The following TAFA2 variants were observed in gnomAD, a reference collection of about 807,000 sequenced individuals.
The protein encoded by TAFA2 is chemokine-like protein TAFA-2.
TAFA2 carries 7 observed loss-of-function variants against 18.8 expected under a neutral mutation model. The observed-to-expected ratio is 0.37, with a 90% confidence interval of 0.21 to 0.70. The LOEUF is 0.70. Among genes scored for constraint, TAFA2 ranks in the 30% least tolerant of loss-of-function variants. TAFA2 has a pLI of 0.53. For synonymous variants in TAFA2, 60 were observed against 54.2 expected, an observed-to-expected ratio of 1.11 and a Z score of -0.47; for missense variants, 122 against 158.1, an observed-to-expected ratio of 0.77 and a Z score of 1.23.
chr12:62,012,453 G>A (rs186867743), intron 1 of TAFA2, among the ~76,000 whole-genome samples: 71 of 149,232 alleles, frequency 4.8e-4, no homozygotes, highest in East Asian at 3.7e-3. Context: ...TTTAACCTCC[G>A]CAGATGCTTT....
intron 1 of TAFA2, among the ~76,000 whole-genome samples, chr12:62,106,365 AAAAAAC>A (rs1019354649): frequency 1.3e-5 from 2 of 151,716 alleles, no homozygotes; most frequent in Non-Finnish European, 1.5e-5. Flanking sequence ...AACAAAAACA[AAAAAAC>A]AAAAACAAAA....
intron 1 of TAFA2, among the ~76,000 whole-genome samples, chr12:61,921,146 AAG>A (rs1456643260): frequency 1.3e-5 from 2 of 152,368 alleles, no homozygotes; most frequent in East Asian, 3.9e-4. Flanking sequence ...CTGAATGGCA[AAG>A]AGAACCACAG....
chr12:61,904,447 T>C (rs1040224365), intron 1 of TAFA2, among the ~76,000 whole-genome samples: 2 of 152,148 alleles, frequency 1.3e-5, no homozygotes, highest in African/African-American at 4.8e-5. Flanking sequence ...GTTTCCTTCA[T>C]GAAATATTCT....
chr12:61,934,615 A>G (rs1186661263), intron 1 of TAFA2, among the ~76,000 whole-genome samples: 3 of 152,254 alleles, frequency 2.0e-5, no homozygotes, highest in Admixed American at 1.3e-4. Context: ...AACCCTGCTT[A>G]AACGCAGAAG....
chr12:61,835,123 T>C (rs947710808), intron 2 of TAFA2, among the ~76,000 whole-genome samples: 6 of 151,984 alleles, frequency 3.9e-5, no homozygotes, highest in African/African-American at 1.2e-4. Context: ...TAAACTTTCC[T>C]TTCTTCTTCT....
intron 1 of TAFA2, among the ~76,000 whole-genome samples, chr12:62,144,309 G>A (rs17125945): frequency 0.011 from 1,748 of 152,240 alleles, 39 homozygotes; most frequent in African/African-American, 0.037. Context: ...TTGAAAAGCA[G>A]AAAGTGGCCT....
At chr12:62,218,524 C>T (rs755956695) in intron 1 of TAFA2, among the ~76,000 whole-genome samples, 1 of 152,180 alleles carries the variant, frequency 6.6e-6, no homozygotes, top group Non-Finnish European at 1.5e-5. Context: ...AATATCCTAA[C>T]CCAACCCGTA....
intron 2 of TAFA2, among the ~76,000 whole-genome samples, chr12:61,843,242 A>G (rs1316291398): frequency 6.6e-6 from 1 of 152,116 alleles, no homozygotes; most frequent in Non-Finnish European, 1.5e-5. Context: ...CCCCTGAGCC[A>G]GATAAAGAAA....
At chr12:61,815,934 C>A (rs900335097) in intron 2 of TAFA2, among the ~76,000 whole-genome samples, 12 of 150,844 alleles carry the variant, frequency 8.0e-5, no homozygotes, top group Non-Finnish European at 1.2e-4. Context: ...GATAATAAAC[C>A]AAGGGGATAA....
chr12:61,897,722 A>G (rs987568909), intron 1 of TAFA2, among the ~76,000 whole-genome samples: 2 of 152,154 alleles, frequency 1.3e-5, no homozygotes, highest in Admixed American at 1.3e-4. Flanking sequence ...TTGAGATGAA[A>G]TTTGGGTAGG....
intron 1 of TAFA2, among the ~76,000 whole-genome samples, chr12:62,011,107 A>G (rs1240111322): frequency 9.6e-6 from 1 of 103,816 alleles, no homozygotes; most frequent in Non-Finnish European, 2.0e-5. Flanking sequence ...CCGGCCACCC[A>G]TCGTCTGGGA....
chr12:62,060,613 T>G (rs915596964), intron 1 of TAFA2, among the ~76,000 whole-genome samples: 5 of 152,212 alleles, frequency 3.3e-5, no homozygotes, highest in African/African-American at 1.2e-4. Context: ...TAAAACAGCC[T>G]CAGGGAGGTC....
intron 1 of TAFA2, among the ~76,000 whole-genome samples, chr12:62,042,966 T>G (rs978736673): frequency 1.3e-5 from 2 of 152,114 alleles, no homozygotes; most frequent in Non-Finnish European, 2.9e-5. Context: ...AAGATCACTA[T>G]AGTTTTATAA....
chr12:61,896,427 C>T (rs1875846777), intron 1 of TAFA2, among the ~76,000 whole-genome samples: 1 of 152,168 alleles, frequency 6.6e-6, no homozygotes, highest in Non-Finnish European at 1.5e-5. Context: ...CCAGGGATTC[C>T]ATAGATTGCA....
At position 62,050,497 on chromosome 12, in the gene TAFA2, G is replaced by A. The variant is rs578145241; in HGVS notation, c.-2+140762C>T. Reference sequence around the variant, plus strand: ...TGAGGCAGGAGACTGGCGTGAACCCGGGAGGCAGAGCTTGCAGTGAGCCGA... The same window carrying A: ...TGAGGCAGGAGACTGGCGTGAACCCAGGAGGCAGAGCTTGCAGTGAGCCGA... On this transcript the variant is annotated intron_variant, in intron 1 of 4. Transcript: ENST00000416284. Among the ~76,000 whole-genome samples, 50 of 151,958 alleles carry A rather than the reference G, an allele frequency of 3.3e-4. No homozygotes were observed. In the South Asian group the frequency reaches 9.4e-3, roughly 29 times the overall value.
chr12:62,010,613 G>T (rs914875152), intron 1 of TAFA2, among the ~76,000 whole-genome samples: 7 of 151,710 alleles, frequency 4.6e-5, no homozygotes, highest in Non-Finnish European at 1.0e-4. Flanking sequence ...CTGCCTGGCT[G>T]CCCTGTCTGG....
chr12:62,032,177 CT>C (rs1359309300), intron 1 of TAFA2, among the ~76,000 whole-genome samples: 1 of 152,112 alleles, frequency 6.6e-6, no homozygotes, highest in East Asian at 1.9e-4. Context: ...AAACATCTCT[CT>C]TGGCAATTTT....
intron 2 of TAFA2, among the ~76,000 whole-genome samples, chr12:61,851,377 T>C (rs544337232): frequency 3.9e-5 from 6 of 152,140 alleles, no homozygotes; most frequent in Admixed American, 2.6e-4. Context: ...TTCAAGAAAT[T>C]GCCAAAAAGA....
intron 1 of TAFA2, among the ~76,000 whole-genome samples, chr12:62,126,228 A>G (rs1870454261): frequency 6.6e-6 from 1 of 152,110 alleles, no homozygotes; most frequent in Non-Finnish European, 1.5e-5. Context: ...GAAAAGATGA[A>G]AAAGATTACC....
Sources: gnomAD v4.1 joint callset for allele counts (sites outside exome capture counted in the v4.1 genomes callset) on GRCh38, gnomAD v4.1.1 for gene constraint, MANE v1.5 for transcripts, NCBI Gene and HGNC (gene_info 2026-07-23, HGNC 2026-07-21) for gene names.